Variants in USH2A observed in about 807,000 individuals in gnomAD.
USH2A encodes usherin.
Under a neutral mutation model 538.9 loss-of-function variants are expected in USH2A, and 443 were observed. That is an observed-to-expected ratio of 0.82 (90% CI 0.76 to 0.89). The LOEUF (loss-of-function observed/expected upper bound fraction) is 0.89, where lower values mean the gene tolerates loss of function less well. Among genes scored for constraint, USH2A ranks in the 40% least tolerant of loss-of-function variants. The probability of loss-of-function intolerance (pLI) is 0.00; values close to 1 mark genes in which losing one functional copy is unlikely to be tolerated. For synonymous variants in USH2A, 2,413 were observed against 2,273.5 expected (o/e 1.06, Z -1.75); for missense variants, 6,633 against 6,324.8 (o/e 1.05, Z -1.65).
rs1378985058 is a variant in USH2A at position 216,322,059 on chromosome 1, T to C, written c.1551-83A>G. 6 of 1,305,976 alleles carry C rather than the reference T, an allele frequency of 4.6e-6. No homozygotes were observed. In the Admixed American group the frequency reaches 8.5e-5, roughly 18 times the overall value. The allele number at this position is 1,305,976 out of a possible 1,614,324, so 80.9% of individuals were successfully genotyped here. On this transcript the variant is annotated intron_variant, in intron 8 of 71. Transcript: ENST00000307340. ...TAAGGTCCTAGGACTATATGCATTA[T>C]GTGAATTTAACAGGGAAGATTTTTG... is the stretch of plus-strand genomic sequence containing the variant.
intron 11 of USH2A, among the ~76,000 whole-genome samples, chr1:216,288,237 A>G (rs962221175): frequency 6.6e-6 from 1 of 152,172 alleles, no homozygotes; most frequent in Non-Finnish European, 1.5e-5. Context: ...GGAAAACTGT[A>G]GTATGACTTT....
At chr1:215,704,498 AT>A (rs369361174) in intron 61 of USH2A, among the ~76,000 whole-genome samples, 29 of 152,268 alleles carry the variant, frequency 1.9e-4, no homozygotes, top group Admixed American at 5.2e-4. Flanking sequence ...AACTTTCCTA[AT>A]TTAAAAGTCA....
At chr1:215,741,339 T>C in intron 60 of USH2A, 36 bp downstream of exon 60, 1 of 1,611,046 alleles carries the variant, frequency 6.2e-7, no homozygotes, top group Non-Finnish European at 8.5e-7. Flanking sequence ...TACGCATTCT[T>C]AAATAACTAA....
At chr1:215,714,304 G>A (rs1209830861) in intron 61 of USH2A, among the ~76,000 whole-genome samples, 1 of 152,160 alleles carries the variant, frequency 6.6e-6, no homozygotes. Flanking sequence ...GAGGGAGAGT[G>A]GAGTGAAATT....
chr1:216,412,680 A>G (rs2039509202), intron 3 of USH2A, among the ~76,000 whole-genome samples: 1 of 151,464 alleles, frequency 6.6e-6, no homozygotes, highest in African/African-American at 2.4e-5. Context: ...CATTATAAAT[A>G]TATGTTTTCA....
intron 21 of USH2A, among the ~76,000 whole-genome samples, chr1:216,121,795 G>A (rs1401111258): frequency 6.6e-6 from 1 of 152,144 alleles, no homozygotes; most frequent in African/African-American, 2.4e-5. Context: ...AGAAACTCAC[G>A]TATTATACAA....
chr1:215,820,350 G>T (rs1662977553), intron 47 of USH2A, among the ~76,000 whole-genome samples: 1 of 151,292 alleles, frequency 6.6e-6, no homozygotes, highest in African/African-American at 2.4e-5. Flanking sequence ...AAAGTCTCTA[G>T]GTTGAATTGT....
chr1:216,344,261 C>T (rs751157158), intron 4 of USH2A, among the ~76,000 whole-genome samples: 19 of 152,032 alleles, frequency 1.2e-4, no homozygotes, highest in Non-Finnish European at 2.1e-4. Flanking sequence ...GATTTAGTAA[C>T]AGAAAGAGTC....
chr1:216,143,928 T>A (rs1204714079), intron 21 of USH2A, among the ~76,000 whole-genome samples: 1 of 152,148 alleles, frequency 6.6e-6, no homozygotes, highest in Non-Finnish European at 1.5e-5. Context: ...TAGAAAAATA[T>A]CCAGACTGCC....
At chr1:215,920,352 G>A (rs1474507830) in intron 38 of USH2A, among the ~76,000 whole-genome samples, 1 of 152,028 alleles carries the variant, frequency 6.6e-6, no homozygotes, top group Non-Finnish European at 1.5e-5. Context: ...CCAGTCTGCT[G>A]TTTCCTTACA....
intron 67 of USH2A, 123 bp from the exon 68 acceptor site, chr1:215,640,857 A>AAAAAG: frequency 1.8e-6 from 2 of 1,100,188 alleles, no homozygotes; most frequent in South Asian, 3.0e-5. Flanking sequence ...AAAAAAAAAA[A>AAAAAG]AAAAAGAAAA....
At chr1:216,097,871 A>G (rs535273411) in intron 21 of USH2A, among the ~76,000 whole-genome samples, 3 of 152,216 alleles carry the variant, frequency 2.0e-5, no homozygotes, top group Non-Finnish European at 2.9e-5. Flanking sequence ...CCTTCTCCCT[A>G]CCATTACATG....
rs1339774081 is a variant in USH2A, at chr1:215,628,854, T to C, written c.15479A>G (p.Asn5160Ser). ...GCCCATGATGGCTTCCCACAGTGAGTTGTCCATCAAGACTTTCTTGTCTTG... is the reference window on the plus strand; with the variant it reads ...GCCCATGATGGCTTCCCACAGTGAGCTGTCCATCAAGACTTTCTTGTCTTG... Reference protein sequence around the residue: ...DIQDKKVLMDNSLWEAIMGHN... With the variant: ...DIQDKKVLMDSSLWEAIMGHN... The change falls in exon 71 of 72, where the codon AAC (asparagine) becomes AGC (serine). Residue 5160 changes from asparagine (N) to serine (S), a missense_variant. Physicochemically the swap from Asn to Ser is conservative, Grantham distance 46. Transcript: ENST00000307340. 8.1e-6 allele frequency: 13 copies of C among 1,613,952 alleles called. No individual in the cohort carries two copies. The highest frequency in any genetic ancestry group is 3.3e-5 in the Admixed American group (2 of 59,992).
At position 215,782,921 on chromosome 1, in the gene USH2A, G is replaced by T; in HGVS notation, c.10402C>A (p.Pro3468Thr). Residue 3468 changes from proline (P) to threonine (T), a missense_variant, in exon 53 of 72, where the codon CCC becomes ACC. By Grantham distance (38) the Pro-to-Thr change is conservative (BLOSUM62 -1). Coordinates refer to ENST00000307340, the MANE Select transcript of USH2A (RefSeq NM_206933.4). ...ATCCTGTACTCATATGTCATGTAGG[G>T]CTTGAGGTTCACATCTGGAAAGAGA... The part of the protein sequence containing the change: ...TYSYTDVNLK[P>T]YMTYEYRISA... 6.2e-7 allele frequency: 1 copy of T among 1,613,444 alleles called. No individual in the cohort carries two copies. The highest frequency in any genetic ancestry group is 1.3e-5 in the African/African-American group (1 of 75,002).
Position 216,163,457 on chromosome 1 carries a change from G to T in USH2A, c.4627+11795C>A, listed in dbSNP as rs148455070. Among the ~76,000 whole-genome samples the T allele has an allele frequency of 2.0e-3, 307 of 151,826 alleles. 4 individuals are homozygous for T. The highest frequency in any genetic ancestry group is 7.0e-3 in the African/African-American group (291 of 41,458). On this transcript the variant is annotated intron_variant, in intron 21 of 71. Transcript: ENST00000307340. ...TTTCCATATATCTGAATTACTTGAG[G>T]ATATGTTTCTATTTTTTATTTTATT...
At chr1:216,384,766 C>A (rs1438170002) in intron 3 of USH2A, among the ~76,000 whole-genome samples, 1 of 151,314 alleles carries the variant, frequency 6.6e-6, no homozygotes, top group Non-Finnish European at 1.5e-5. Flanking sequence ...CTGGTGGCAA[C>A]AGAATGAAAA....
rs74478166 is a variant in USH2A at position 215,650,034 on chromosome 1, C to T, written c.14343+558G>A. 3.9e-3 allele frequency among the ~76,000 whole-genome samples: 601 copies of T among 152,280 alleles called. 1 individual carries two copies. Among genetic ancestry groups the T allele is most frequent in the South Asian group, 7.9e-3 (38 of 4,822 alleles). On this transcript the variant is annotated intron_variant, in intron 65 of 71. Transcript: ENST00000307340. ...TCCCAGTGTGCCTCAAACGTGTTAA[C>T]GAACAAACAGTGGAGCTAGGGCTAT... is the stretch of plus-strand genomic sequence containing the variant.
intron 61 of USH2A, among the ~76,000 whole-genome samples, chr1:215,696,767 C>T (rs1658824095): frequency 6.6e-6 from 1 of 152,018 alleles, no homozygotes; most frequent in East Asian, 1.9e-4. Flanking sequence ...TTTGGGAGGC[C>T]AAGGTGGGAG....
chr1:216,023,852 G>T (rs1163330789), intron 32 of USH2A, among the ~76,000 whole-genome samples: 1 of 151,886 alleles, frequency 6.6e-6, no homozygotes, highest in African/African-American at 2.4e-5. Context: ...ATTCTTTAAA[G>T]GTTGGGGTGC....
Sources: allele counts gnomAD v4.1 joint callset (sites outside exome capture counted in the v4.1 genomes callset), GRCh38; gene constraint gnomAD v4.1.1; transcripts MANE v1.5; gene names NCBI Gene and HGNC (gene_info 2026-07-23, HGNC 2026-07-21).